CAMK2B: variants seen among roughly 807,000 people sequenced by gnomAD.
CAMK2B encodes calcium/calmodulin dependent protein kinase II beta.
Under a neutral mutation model 93.7 loss-of-function variants are expected in CAMK2B, and 27 were observed. The ratio of observed to expected loss-of-function variants is 0.29; its 90% confidence interval spans 0.21 to 0.40. CAMK2B has a LOEUF of 0.40. Among genes scored for constraint, CAMK2B ranks in the 10% least tolerant of loss-of-function variants. CAMK2B has a pLI of 1.00. For synonymous variants in CAMK2B, 374 were observed against 358.8 expected, an observed-to-expected ratio of 1.04 and a Z score of -0.48; for missense variants, 568 against 895.8, an observed-to-expected ratio of 0.63 and a Z score of 4.67.
intron 1 of CAMK2B, among the ~76,000 whole-genome samples, chr7:44,305,173 G>A (rs1027601075): frequency 6.6e-6 from 1 of 152,236 alleles, no homozygotes; most frequent in East Asian, 1.9e-4. Flanking sequence ...ACCCACCTAC[G>A]CATGGCCCTC....
chr7:44,225,638 A>G lies in CAMK2B; in HGVS notation c.1597+878T>C. On this transcript the variant is annotated intron_variant, in intron 20 of 23. Coordinates refer to ENST00000395749, the MANE Select transcript of CAMK2B (RefSeq NM_001220.5). This position sits in a 1 kb window ranked among gnomAD's most constrained non-coding sequence, Gnocchi z 5.0. ...CCTGCAGCCTGCATCCCCCTCCTCG[A>G]GCCGCTGCTCCTGTGGGTTCACTCT... 1.1e-6 allele frequency: 1 copy of G among 889,646 alleles called. No homozygotes were observed. 55.1% of individuals were successfully genotyped at this position (889,646 alleles called of 1,614,324 possible). A position where few individuals can be genotyped will look rare whatever the true frequency, so the allele number is the denominator to read the frequency against.
intron 3 of CAMK2B, among the ~76,000 whole-genome samples, chr7:44,262,411 G>A (rs914009646): frequency 4.6e-5 from 7 of 152,344 alleles, no homozygotes; most frequent in African/African-American, 1.7e-4. Context: ...TCTGGGCCAG[G>A]GTCACCTGAC....
At chr7:44,276,307 A>G (rs2097039307) in intron 2 of CAMK2B, among the ~76,000 whole-genome samples, 1 of 152,056 alleles carries the variant, frequency 6.6e-6, no homozygotes, top group Non-Finnish European at 1.5e-5. Context: ...AGTTCCGCGG[A>G]TTCTGCCGAC....
intron 15 of CAMK2B, among the ~76,000 whole-genome samples, chr7:44,233,788 C>T (rs2096601030): frequency 6.6e-6 from 1 of 152,168 alleles, no homozygotes; most frequent in African/African-American, 2.4e-5. Flanking sequence ...CTAAGCCCTG[C>T]CTCTCAGGCA....
In CAMK2B at chr7:44,258,852, T is replaced by A. The variant is rs1584311549; in HGVS notation, c.275+20A>T. On this transcript the variant is annotated intron_variant, in intron 4 of 23. Transcript: ENST00000395749. The stretch of plus-strand genomic sequence containing the variant: ...AGGCTGGGAGTGAGTGCAGCGAGAG[T>A]CCCCAGCTCTGGAACTTACAGATCG... 6.2e-7 allele frequency: 1 copy of A among 1,611,442 alleles called. No individual in the cohort carries two copies. Among genetic ancestry groups the A allele is most frequent in the Non-Finnish European group, 8.5e-7 (1 of 1,178,318 alleles).
intron 16 of CAMK2B, 27 bp from the exon 17 acceptor site, chr7:44,231,081 C>T (rs1193084029): frequency 6.5e-7 from 1 of 1,548,746 alleles, no homozygotes; most frequent in Non-Finnish European, 8.7e-7. Flanking sequence ...GGCAGCGGGT[C>T]AGGATGCGGC....
In CAMK2B at chr7:44,317,684, C is replaced by T. The variant is rs143480342; in HGVS notation, c.65+7673G>A. The stretch of plus-strand genomic sequence containing the variant: ...ACGTACTAGAAAATTTTTAATCACA[C>T]ATATGGCTCAACTTTGTATCACATT... On this transcript the variant is annotated intron_variant, in intron 1 of 23. Transcript: ENST00000395749. Among the ~76,000 whole-genome samples the T allele has an allele frequency of 2.7e-3, 413 of 152,296 alleles. 4 individuals are homozygous for T. Among genetic ancestry groups the T allele is most frequent in the African/African-American group, 9.2e-3 (383 of 41,564 alleles).
Position 44,225,338 on chromosome 7 carries a change from G to T in CAMK2B, c.1597+1178C>A, listed in dbSNP as rs1014976044. On this transcript the variant is annotated intron_variant, in intron 20 of 23. Coordinates refer to ENST00000395749, the MANE Select transcript of CAMK2B (RefSeq NM_001220.5). This position sits in a 1 kb window ranked among gnomAD's most constrained non-coding sequence, Gnocchi z 5.0. The stretch of plus-strand genomic sequence containing the variant: ...GCTGTAGAAGTGGCAGGTGTCGGGG[G>T]TTCTGACCACTCCCAGAGGCTCTGC... Among the ~76,000 whole-genome samples, 2 of 152,080 alleles carry T rather than the reference G, an allele frequency of 1.3e-5. No individual in the cohort carries two copies. Among genetic ancestry groups the T allele is most frequent in the Admixed American group, 6.5e-5 (1 of 15,282 alleles).
intron 1 of CAMK2B, among the ~76,000 whole-genome samples, chr7:44,293,284 A>G (rs1163623512): frequency 6.6e-6 from 1 of 152,218 alleles, no homozygotes; most frequent in African/African-American, 2.4e-5. Flanking sequence ...CATTTTCTTC[A>G]CATTTTTGAC....
chr7:44,265,994 T>A (rs2096918388), intron 2 of CAMK2B, among the ~76,000 whole-genome samples: 2 of 151,798 alleles, frequency 1.3e-5, no homozygotes, highest in African/African-American at 2.4e-5. Flanking sequence ...TTCGTTAACT[T>A]CCCCTCCCCC....
intron 1 of CAMK2B, among the ~76,000 whole-genome samples, chr7:44,290,474 G>A (rs1786474650): frequency 6.6e-6 from 1 of 152,232 alleles, no homozygotes; most frequent in Non-Finnish European, 1.5e-5. Context: ...TCTGAAACCA[G>A]CCTCAGGCCA....
chr7:44,243,272 C>T lies in CAMK2B; in HGVS notation c.579G>A (p.Lys193=), dbSNP rs2096699491. The change falls in exon 8 of 24, where the codon AAG becomes AAA. Residue 193 remains lysine (K), a synonymous_variant. Coordinates refer to ENST00000395749, the MANE Select transcript of CAMK2B (RefSeq NM_001220.5). ...PEVLRKEAYG[K]PVDIWACGVI... is the part of the protein sequence containing the mutation. ...CACCACATGCCCAGATGTCCACAGG[C>T]TTGCCATACGCCTCTTTGCGAAGGA... 1 of 1,613,992 alleles carries T rather than the reference C, an allele frequency of 6.2e-7. No individual in the cohort carries two copies.
intron 1 of CAMK2B, among the ~76,000 whole-genome samples, chr7:44,297,375 A>G (rs779613090): frequency 6.6e-6 from 1 of 152,244 alleles, no homozygotes; most frequent in African/African-American, 2.4e-5. Flanking sequence ...ATGGAATTAT[A>G]TAAAATGCTC....
Position 44,312,060 on chromosome 7 carries a change from G to T in CAMK2B, c.65+13297C>A, listed in dbSNP as rs1341830419. On this transcript the variant is annotated intron_variant, in intron 1 of 23. Transcript: ENST00000395749. The surrounding 1 kb of genome is among the most constrained non-coding windows in gnomAD (Gnocchi z 4.1). ...GAGCCCCAGTGTGTGCTTCCTGCTG[G>T]TGATGCCCCCATGGGTGACCAAGGC... 2.6e-5 allele frequency among the ~76,000 whole-genome samples: 4 copies of T among 152,204 alleles called. No homozygotes were observed. The highest frequency in any genetic ancestry group is 9.6e-5 in the African/African-American group (4 of 41,454).
chr7:44,319,526 G>A (rs951614143), intron 1 of CAMK2B, among the ~76,000 whole-genome samples: 1 of 152,200 alleles, frequency 6.6e-6, no homozygotes, highest in Non-Finnish European at 1.5e-5. Context: ...AGGTCCTTCA[G>A]TTCTTTCAAG....
intron 2 of CAMK2B, among the ~76,000 whole-genome samples, chr7:44,272,971 A>G (rs2096988645): frequency 6.6e-6 from 1 of 152,216 alleles, no homozygotes; most frequent in Non-Finnish European, 1.5e-5. Context: ...TAAGGCCTAA[A>G]GTTAAAGCCA....
intron 6 of CAMK2B, among the ~76,000 whole-genome samples, chr7:44,244,503 T>TC (rs11421659): frequency 1 from 152,086 of 152,088 alleles, 76,042 homozygotes; most frequent in Middle Eastern, 1. Context: ...GGCCCTCGGG[T>TC]CCCTTGGCCA....
At chr7:44,243,769 C>T (rs1037792348) in intron 6 of CAMK2B, among the ~76,000 whole-genome samples, 3 of 152,222 alleles carry the variant, frequency 2.0e-5, no homozygotes, top group African/African-American at 7.2e-5. Flanking sequence ...CAGCTCTGGC[C>T]TTTCAGAGGA....
intron 3 of CAMK2B, among the ~76,000 whole-genome samples, chr7:44,260,481 G>A (rs1490858951): frequency 6.6e-6 from 1 of 152,168 alleles, no homozygotes; most frequent in Non-Finnish European, 1.5e-5. Flanking sequence ...GAAAATATAG[G>A]GCAAGCCCAG....
Sources: allele counts gnomAD v4.1 joint callset (sites outside exome capture counted in the v4.1 genomes callset), GRCh38; gene constraint gnomAD v4.1.1; non-coding constraint Gnocchi (gnomAD v3.1); transcripts MANE v1.5; gene names NCBI Gene and HGNC (gene_info 2026-07-23, HGNC 2026-07-21).